The following PARD3B variants were observed in gnomAD, a reference collection of about 807,000 sequenced individuals.
PARD3B encodes partitioning defective 3 homolog B.
A neutral mutation model predicts 130.2 loss-of-function variants in PARD3B; 103 were observed. The observed-to-expected ratio is 0.79, with a 90% CI of 0.67 to 0.93. The LOEUF is 0.93. Among genes scored for constraint, PARD3B ranks in the 40% least tolerant of loss-of-function variants. The pLI is 0.00. For synonymous variants in PARD3B, 583 were observed against 553.2 expected (o/e 1.05, Z -0.76); for missense variants, 1,609 against 1,499.2 (o/e 1.07, Z -1.21).
chr2:205,365,724 G>A (rs1200798675), intron 18 of PARD3B, among the ~76,000 whole-genome samples: 1 of 152,082 alleles, frequency 6.6e-6, no homozygotes, highest in African/African-American at 2.4e-5. Context: ...TTTATGGAAG[G>A]AAAGGCATTC....
intron 10 of PARD3B, among the ~76,000 whole-genome samples, chr2:205,132,589 T>C (rs952273782): frequency 1.3e-5 from 2 of 152,122 alleles, no homozygotes; most frequent in Non-Finnish European, 2.9e-5. Context: ...CAGCTTTCCA[T>C]CCATATTAAG....
At chr2:205,524,394 A>C (rs2051239374) in intron 21 of PARD3B, among the ~76,000 whole-genome samples, 1 of 152,154 alleles carries the variant, frequency 6.6e-6, no homozygotes, top group African/African-American at 2.4e-5. Context: ...GAAGTTCAGC[A>C]GCTGAGAGGA....
intron 3 of PARD3B, among the ~76,000 whole-genome samples, chr2:205,029,262 A>G (rs1276401269): frequency 3.3e-5 from 5 of 152,060 alleles, no homozygotes; most frequent in Non-Finnish European, 2.9e-5. Flanking sequence ...TCCACTATTC[A>G]CCACCATCAC....
At chr2:205,442,290 CTTT>C (rs71410814) in intron 20 of PARD3B, among the ~76,000 whole-genome samples, 1,653 of 105,794 alleles carry the variant, frequency 0.016, 15 homozygotes, top group African/African-American at 0.064. Context: ...ACAGGTTTTC[CTTT>C]TTTTTTTTTT....
chr2:204,879,732 G>T (rs1027059936), intron 2 of PARD3B, among the ~76,000 whole-genome samples: 1 of 152,222 alleles, frequency 6.6e-6, no homozygotes, highest in Non-Finnish European at 1.5e-5. Context: ...AGCCTTAAAA[G>T]ATTGGGGAAT....
chr2:204,782,587 A>C (rs1197278543), intron 2 of PARD3B, among the ~76,000 whole-genome samples: 2 of 151,466 alleles, frequency 1.3e-5, no homozygotes, highest in Non-Finnish European at 2.9e-5. Flanking sequence ...ACGTAGATAC[A>C]TCTGTGTATT....
intron 15 of PARD3B, among the ~76,000 whole-genome samples, chr2:205,200,100 T>C (rs2036908368): frequency 6.6e-6 from 1 of 152,186 alleles, no homozygotes. Context: ...ATAGGTTATG[T>C]TGATGTTTAT....
At position 205,128,427 on chromosome 2, in the gene PARD3B, GGCAA is replaced by G. The variant is rs2031672370; in HGVS notation, c.1434+2691_1434+2694del. On this transcript the variant is annotated intron_variant, in intron 10 of 22. Transcript: ENST00000406610. This position sits in a 1 kb window ranked among gnomAD's most constrained non-coding sequence, Gnocchi z 4.5. Reference sequence around the variant, plus strand: ...AGCTCTGAATTCATTCCTCATCAAAGGCAATTATATCTGGAAGTTAGCAACTGGA... The same window carrying G: ...AGCTCTGAATTCATTCCTCATCAAAGTTATATCTGGAAGTTAGCAACTGGA... Among the ~76,000 whole-genome samples, 1 of 152,152 alleles carries G rather than the reference GGCAA, an allele frequency of 6.6e-6. No homozygotes were observed. The highest frequency in any genetic ancestry group is 1.5e-5 in the Non-Finnish European group (1 of 68,040).
chr2:205,093,244 A>C (rs1488052446), intron 4 of PARD3B, among the ~76,000 whole-genome samples: 2 of 152,148 alleles, frequency 1.3e-5, no homozygotes, highest in Non-Finnish European at 2.9e-5. Flanking sequence ...AGGAAAAGGA[A>C]CAGATTTGTT....
At chr2:204,941,212 A>G (rs761205806) in intron 2 of PARD3B, among the ~76,000 whole-genome samples, 12 of 152,202 alleles carry the variant, frequency 7.9e-5, no homozygotes, top group Non-Finnish European at 1.6e-4. Context: ...CGTCTCTACT[A>G]AAAATACAAA....
chr2:204,867,876 T>C (rs1476726631), intron 2 of PARD3B, among the ~76,000 whole-genome samples: 1 of 152,284 alleles, frequency 6.6e-6, no homozygotes, highest in African/African-American at 2.4e-5. Flanking sequence ...ATGAGCCAAA[T>C]GGGAAGTGTT....
At chr2:205,018,286 T>A (rs1696312604) in intron 3 of PARD3B, among the ~76,000 whole-genome samples, 1 of 152,170 alleles carries the variant, frequency 6.6e-6, no homozygotes, top group Non-Finnish European at 1.5e-5. Context: ...ACAGATATGA[T>A]ATATCTGTAT....
chr2:205,547,952 G>C (rs919587599), intron 21 of PARD3B, among the ~76,000 whole-genome samples: 4 of 152,166 alleles, frequency 2.6e-5, no homozygotes, highest in Non-Finnish European at 5.9e-5. Flanking sequence ...TGGATTGGAT[G>C]AAGTGCACTA....
chr2:204,952,861 G>A (rs1396064403), intron 2 of PARD3B, among the ~76,000 whole-genome samples: 2 of 151,916 alleles, frequency 1.3e-5, no homozygotes, highest in Non-Finnish European at 2.9e-5. Flanking sequence ...GCCGGGTGTG[G>A]TGGTGGGCGC....
chr2:205,276,543 CT>C lies in PARD3B; in HGVS notation c.2186-23985del, dbSNP rs1336803673. On this transcript the variant is annotated intron_variant, in intron 16 of 22. Coordinates refer to ENST00000406610, the MANE Select transcript of PARD3B (RefSeq NM_001302769.2). This position sits in a 1 kb window ranked among gnomAD's most constrained non-coding sequence, Gnocchi z 5.0. Reference sequence around the variant, plus strand: ...TTGGCAATGAGGAGCTAGGCGGGGCCTTCGGGAGCGGGAGCAGCACCCACCA... The same window carrying C: ...TTGGCAATGAGGAGCTAGGCGGGGCCTCGGGAGCGGGAGCAGCACCCACCA... 1.3e-5 allele frequency among the ~76,000 whole-genome samples: 2 copies of C among 152,098 alleles called. No individual in the cohort carries two copies. Among genetic ancestry groups the C allele is most frequent in the South Asian group, 2.1e-4 (1 of 4,820 alleles).
intron 20 of PARD3B, among the ~76,000 whole-genome samples, chr2:205,453,769 T>C (rs2048181936): frequency 6.6e-6 from 1 of 152,214 alleles, no homozygotes; most frequent in South Asian, 2.1e-4. Context: ...GAAAGAGCAT[T>C]ACATATACTG....
chr2:204,659,530 C>T (rs2035734628), intron 1 of PARD3B, among the ~76,000 whole-genome samples: 3 of 152,078 alleles, frequency 2.0e-5, no homozygotes. Context: ...TATATAGCAT[C>T]GTGGCTCAGA....
At chr2:204,986,056 G>A (rs953133939) in intron 3 of PARD3B, among the ~76,000 whole-genome samples, 10 of 134,696 alleles carry the variant, frequency 7.4e-5, no homozygotes, top group Non-Finnish European at 1.4e-4. Flanking sequence ...AGCCGAGATA[G>A]TGCCATTGCA....
At chr2:205,096,833 G>A (rs1239432620) in intron 4 of PARD3B, among the ~76,000 whole-genome samples, 1 of 152,134 alleles carries the variant, frequency 6.6e-6, no homozygotes, top group Non-Finnish European at 1.5e-5. Flanking sequence ...TTATTTTAAA[G>A]ATGCAATTAT....
Sources: gnomAD v4.1 joint callset for allele counts (sites outside exome capture counted in the v4.1 genomes callset) on GRCh38, gnomAD v4.1.1 for gene constraint, Gnocchi (gnomAD v3.1) non-coding constraint, MANE v1.5 for transcripts, NCBI Gene and HGNC (gene_info 2026-07-23, HGNC 2026-07-21) for gene names.